The following NLGN1 variants were observed in gnomAD, a reference collection of about 807,000 sequenced individuals.
NLGN1 encodes the protein neuroligin 1.
In NLGN1, 12 loss-of-function variants were observed where a neutral mutation model predicts 65.5. That is an observed-to-expected ratio of 0.18 (90% CI 0.12 to 0.30). The LOEUF (loss-of-function observed/expected upper bound fraction) is 0.30. NLGN1 is among the 10% of genes least tolerant of loss of function. The pLI is 1.00. For missense variants in NLGN1, 750 were observed against 1,007.1 expected (o/e 0.74, Z 3.46); for synonymous variants, 350 against 359.5 (o/e 0.97, Z 0.30).
chr3:173,728,026 A>C (rs1772095149), intron 3 of NLGN1, among the ~76,000 whole-genome samples: 1 of 152,072 alleles, frequency 6.6e-6, no homozygotes, highest in Non-Finnish European at 1.5e-5. Flanking sequence ...TGGCTTGGGG[A>C]ATATGAACTG....
At chr3:173,536,283 G>A (rs1213890504) in intron 2 of NLGN1, among the ~76,000 whole-genome samples, 1 of 152,134 alleles carries the variant, frequency 6.6e-6, no homozygotes, top group Non-Finnish European at 1.5e-5. Flanking sequence ...TCTGGAGATG[G>A]TTAATCTTCC....
At chr3:173,408,678 C>T (rs924158807) in intron 1 of NLGN1, among the ~76,000 whole-genome samples, 5 of 152,034 alleles carry the variant, frequency 3.3e-5, no homozygotes, top group South Asian at 2.1e-4. Flanking sequence ...TTTGGGAGGC[C>T]GAGGCGGGCG....
chr3:173,438,539 A>T (rs1718570873), intron 2 of NLGN1, among the ~76,000 whole-genome samples: 1 of 152,148 alleles, frequency 6.6e-6, no homozygotes, highest in Non-Finnish European at 1.5e-5. Flanking sequence ...TCTTATTTTT[A>T]AAAATAATAT....
At chr3:173,438,365 A>G (rs1214363294) in intron 2 of NLGN1, among the ~76,000 whole-genome samples, 1 of 152,160 alleles carries the variant, frequency 6.6e-6, no homozygotes, top group Non-Finnish European at 1.5e-5. Context: ...TGAGCCTTAT[A>G]CATATCGTCT....
intron 4 of NLGN1, among the ~76,000 whole-genome samples, chr3:174,072,678 G>C (rs1274093383): frequency 1.3e-5 from 2 of 152,122 alleles, no homozygotes; most frequent in African/African-American, 4.8e-5. Context: ...AACAGACCAA[G>C]CAGACACAGT....
chr3:174,214,724 T>G (rs1737293778), intron 4 of NLGN1, among the ~76,000 whole-genome samples: 1 of 152,126 alleles, frequency 6.6e-6, no homozygotes, highest in East Asian at 1.9e-4. Flanking sequence ...AAATAGCTAA[T>G]CATAGTCTCT....
intron 3 of NLGN1, among the ~76,000 whole-genome samples, chr3:173,700,560 T>C (rs1766976495): frequency 6.6e-6 from 1 of 152,084 alleles, no homozygotes; most frequent in Non-Finnish European, 1.5e-5. Flanking sequence ...TACATTTTCA[T>C]GGAGTCTGCG....
intron 2 of NLGN1, among the ~76,000 whole-genome samples, chr3:173,441,645 C>G (rs568611831): frequency 6.6e-6 from 1 of 152,166 alleles, no homozygotes; most frequent in East Asian, 1.9e-4. Context: ...GTTTCCAACA[C>G]CCGGGCACAA....
chr3:173,593,822 A>G (rs975135474), intron 2 of NLGN1, among the ~76,000 whole-genome samples: 3 of 152,248 alleles, frequency 2.0e-5, no homozygotes, highest in African/African-American at 7.2e-5. Flanking sequence ...CCTCAGAATC[A>G]TGGCGGGAGA....
chr3:173,629,449 C>A (rs1433066391), intron 3 of NLGN1, among the ~76,000 whole-genome samples: 8 of 151,960 alleles, frequency 5.3e-5, no homozygotes, highest in Non-Finnish European at 1.0e-4. Context: ...TTAAGAATAG[C>A]AAATGATCAA....
intron 2 of NLGN1, among the ~76,000 whole-genome samples, chr3:173,527,633 G>A (rs754246284): frequency 3.1e-4 from 47 of 152,126 alleles, no homozygotes; most frequent in South Asian, 4.1e-4. Context: ...TCCTGACCTC[G>A]TGATCTGCCC....
At chr3:173,503,187 A>G (rs1214755128) in intron 2 of NLGN1, among the ~76,000 whole-genome samples, 1 of 152,068 alleles carries the variant, frequency 6.6e-6, no homozygotes, top group Non-Finnish European at 1.5e-5. Context: ...TAAGTTCCAT[A>G]TCCAATTACT....
intron 2 of NLGN1, among the ~76,000 whole-genome samples, chr3:173,499,251 C>T (rs1054406996): frequency 1.2e-4 from 18 of 151,806 alleles, no homozygotes; most frequent in Non-Finnish European, 2.6e-4. Flanking sequence ...AGGAAGGGAT[C>T]CAGTTTCAGC....
intron 2 of NLGN1, among the ~76,000 whole-genome samples, chr3:173,446,467 G>T (rs952413528): frequency 5.3e-5 from 8 of 152,140 alleles, no homozygotes; most frequent in African/African-American, 1.9e-4. Flanking sequence ...GTCTATCATT[G>T]TTGGGCATTT....
chr3:174,031,654 A>T (rs984709005), intron 4 of NLGN1, among the ~76,000 whole-genome samples: 2 of 152,158 alleles, frequency 1.3e-5, no homozygotes, highest in Non-Finnish European at 2.9e-5. Context: ...TCAATAAAAA[A>T]TTTTAATAGA....
chr3:174,140,092 C>T (rs1380993091), intron 4 of NLGN1, among the ~76,000 whole-genome samples: 3 of 152,022 alleles, frequency 2.0e-5, no homozygotes, highest in Non-Finnish European at 4.4e-5. Context: ...GAAATATTAG[C>T]TGTACTTTTA....
At chr3:173,540,588 T>G (rs1738688863) in intron 2 of NLGN1, among the ~76,000 whole-genome samples, 1 of 152,164 alleles carries the variant, frequency 6.6e-6, no homozygotes, top group Non-Finnish European at 1.5e-5. Context: ...TGGCAGTGGC[T>G]CCTTTCATGG....
At chr3:173,711,305 G>A (rs1768934610) in intron 3 of NLGN1, among the ~76,000 whole-genome samples, 1 of 152,158 alleles carries the variant, frequency 6.6e-6, no homozygotes, top group Non-Finnish European at 1.5e-5. Flanking sequence ...TGTTTCTGGT[G>A]AGAGTGAGAG....
At chr3:173,996,870 A>T (rs1168269289) in intron 4 of NLGN1, among the ~76,000 whole-genome samples, 1 of 152,122 alleles carries the variant, frequency 6.6e-6, no homozygotes, top group Non-Finnish European at 1.5e-5. Flanking sequence ...ACCATAAGAG[A>T]TGACTTCTAG....
Sources: gnomAD v4.1 joint callset for allele counts (sites outside exome capture counted in the v4.1 genomes callset) on GRCh38, gnomAD v4.1.1 for gene constraint, MANE v1.5 for transcripts, NCBI Gene and HGNC (gene_info 2026-07-23, HGNC 2026-07-21) for gene names.